Variants in PTPN4 observed in about 807,000 individuals in gnomAD.
PTPN4 encodes tyrosine-protein phosphatase non-receptor type 4.
PTPN4 carries 49 observed loss-of-function variants against 135.5 expected under a neutral mutation model. The observed-to-expected ratio is 0.36, with a 90% CI of 0.29 to 0.46. The LOEUF (loss-of-function observed/expected upper bound fraction) is 0.46. PTPN4 is among the 20% of genes least tolerant of loss of function. The pLI, the probability that PTPN4 is intolerant of heterozygous loss-of-function variation, is 1.00. For synonymous variants in PTPN4, 333 were observed against 369.9 expected (o/e 0.90, Z 1.14); for missense variants, 860 against 1,101.0 (o/e 0.78, Z 3.10).
intron 1 of PTPN4, among the ~76,000 whole-genome samples, chr2:119,781,342 A>G (rs1467924429): frequency 6.6e-6 from 1 of 152,172 alleles, no homozygotes; most frequent in Non-Finnish European, 1.5e-5. Context: ...AAATGAGATT[A>G]ACCAATGCCT....
chr2:119,918,406 A>C (rs545118919), intron 11 of PTPN4, among the ~76,000 whole-genome samples: 1 of 152,202 alleles, frequency 6.6e-6, no homozygotes, highest in Non-Finnish European at 1.5e-5. Context: ...AATAGTATAG[A>C]CCATTATATA....
At chr2:119,904,516 A>G (rs577439984) in intron 10 of PTPN4, among the ~76,000 whole-genome samples, 3 of 152,300 alleles carry the variant, frequency 2.0e-5, no homozygotes, top group South Asian at 2.1e-4. Flanking sequence ...CAACTCTTGC[A>G]AGACGTAGAG....
intron 3 of PTPN4, among the ~76,000 whole-genome samples, chr2:119,870,701 GT>G (rs2104993425): frequency 6.6e-6 from 1 of 152,198 alleles, no homozygotes; most frequent in African/African-American, 2.4e-5. Context: ...TATAATGATG[GT>G]ATTCAAGATA....
chr2:119,953,352 T>C (rs1263567164), intron 19 of PTPN4, among the ~76,000 whole-genome samples: 2 of 152,216 alleles, frequency 1.3e-5, no homozygotes, highest in African/African-American at 4.8e-5. Flanking sequence ...ATTTCTTTTT[T>C]GTAAACAAAA....
chr2:119,849,737 G>C (rs909308638), intron 2 of PTPN4, among the ~76,000 whole-genome samples: 4 of 152,178 alleles, frequency 2.6e-5, no homozygotes, highest in African/African-American at 9.7e-5. Context: ...TCTTCTCACA[G>C]TGCGCACAGC....
chr2:119,863,215 G>A (rs3768915), intron 3 of PTPN4, among the ~76,000 whole-genome samples: 40,554 of 151,848 alleles, frequency 0.27, 5,464 homozygotes, highest in South Asian at 0.33. Flanking sequence ...CATAGAAATA[G>A]AAGATAGCAT....
At chr2:119,761,950 A>G (rs979613315) in intron 1 of PTPN4, among the ~76,000 whole-genome samples, 11 of 152,306 alleles carry the variant, frequency 7.2e-5, no homozygotes, top group African/African-American at 2.4e-4. Flanking sequence ...TCTTAGCTTC[A>G]GAGCTGTAGG....
intron 15 of PTPN4, among the ~76,000 whole-genome samples, chr2:119,940,806 A>C (rs1574414058): frequency 6.6e-6 from 1 of 152,216 alleles, no homozygotes; most frequent in East Asian, 1.9e-4. Context: ...TCTATGTACA[A>C]TTGTGCCTTT....
chr2:119,933,684 T>A (rs1678940361), intron 14 of PTPN4, among the ~76,000 whole-genome samples: 1 of 149,102 alleles, frequency 6.7e-6, no homozygotes, highest in Non-Finnish European at 1.5e-5. Context: ...AAAAAAAATC[T>A]AACAGCTAGA....
intron 14 of PTPN4, among the ~76,000 whole-genome samples, chr2:119,933,645 A>G (rs1378149506): frequency 2.0e-5 from 3 of 150,370 alleles, no homozygotes; most frequent in African/African-American, 7.4e-5. Context: ...CCTGGACCAC[A>G]GAGTGAGACC....
chr2:119,844,559 C>T (rs1677454078), intron 2 of PTPN4, among the ~76,000 whole-genome samples: 1 of 149,460 alleles, frequency 6.7e-6, no homozygotes, highest in African/African-American at 2.5e-5. Context: ...CAGAGACGCT[C>T]CTCACCTCCC....
chr2:119,790,738 T>A (rs1691129505), intron 1 of PTPN4, among the ~76,000 whole-genome samples: 1 of 152,166 alleles, frequency 6.6e-6, no homozygotes, highest in Non-Finnish European at 1.5e-5. Context: ...ATGTCTTTGG[T>A]CCCTTTTGTT....
chr2:119,806,739 A>G (rs1204035777), intron 1 of PTPN4, among the ~76,000 whole-genome samples: 2 of 152,180 alleles, frequency 1.3e-5, no homozygotes, highest in African/African-American at 4.8e-5. Context: ...ATAGACATCT[A>G]CAGAACTCTC....
Position 119,884,190 on chromosome 2 carries a change from G to A in PTPN4, c.587+1567G>A, listed in dbSNP as rs139302548. ...TGGGATTACAGGCGTGAGCCACCAC[G>A]CCCAGCCCCTATTGCCTATTTTTAT... On this transcript the variant is annotated intron_variant, in intron 8 of 26. Coordinates refer to ENST00000263708, the MANE Select transcript of PTPN4 (RefSeq NM_002830.4). Among the ~76,000 whole-genome samples the A allele has an allele frequency of 1.1e-4, 17 of 152,338 alleles. No homozygotes were observed. The East Asian group carries it at 3.3e-3, about 29-fold the overall frequency.
chr2:119,905,706 A>G lies in PTPN4; in HGVS notation c.764+4900A>G, dbSNP rs1678477117. Among the ~76,000 whole-genome samples the G allele has an allele frequency of 3.3e-5, 5 of 152,346 alleles. No homozygotes were observed. The South Asian group carries it at 1.0e-3, about 32-fold the overall frequency. On this transcript the variant is annotated intron_variant, in intron 10 of 26. Transcript: ENST00000263708. ...TGAAACACTCTTCAGAAAAGACCAT[A>G]TGTTAGGCCACAAAACAAGTCTCAA...
intron 1 of PTPN4, among the ~76,000 whole-genome samples, chr2:119,765,914 C>CTG (rs61700411): frequency 0.029 from 4,409 of 149,864 alleles, 112 homozygotes; most frequent in African/African-American, 0.06. Flanking sequence ...GTGTGTGAAT[C>CTG]TGTGTGTGTG....
chr2:119,765,845 G>A (rs1690604636), intron 1 of PTPN4, among the ~76,000 whole-genome samples: 1 of 152,106 alleles, frequency 6.6e-6, no homozygotes, highest in South Asian at 2.1e-4. Flanking sequence ...TTGGAGAAAT[G>A]TAAGTTGTCT....
intron 2 of PTPN4, among the ~76,000 whole-genome samples, chr2:119,829,073 T>G (rs755500445): frequency 3.0e-4 from 46 of 152,218 alleles, no homozygotes; most frequent in Non-Finnish European, 6.0e-4. Flanking sequence ...ATATATTTGT[T>G]GACCATTTAG....
intron 2 of PTPN4, among the ~76,000 whole-genome samples, chr2:119,846,923 A>G (rs1319711568): frequency 6.6e-6 from 1 of 151,438 alleles, no homozygotes; most frequent in African/African-American, 2.4e-5. Context: ...TTATATATAC[A>G]TATATTACAA....
Sources: allele counts gnomAD v4.1 joint callset (sites outside exome capture counted in the v4.1 genomes callset), GRCh38; gene constraint gnomAD v4.1.1; transcripts MANE v1.5; gene names NCBI Gene and HGNC (gene_info 2026-07-23, HGNC 2026-07-21).